OPCML: variants seen among roughly 807,000 people sequenced by gnomAD.
The protein encoded by OPCML is opioid-binding protein/cell adhesion molecule.
In OPCML, 13 loss-of-function variants were observed where a neutral mutation model predicts 37.8. That is an observed-to-expected ratio of 0.34 (90% CI 0.22 to 0.55). The LOEUF (loss-of-function observed/expected upper bound fraction) is 0.55. Ranked by LOEUF, OPCML falls within the 20% of genes least tolerant of loss-of-function variation. OPCML has a pLI of 0.91. For synonymous variants in OPCML, 176 were observed against 168.8 expected (o/e 1.04, Z -0.33); for missense variants, 341 against 435.6 (o/e 0.78, Z 1.93).
At chr11:132,892,540 G>T (rs1231672563) in intron 2 of OPCML, among the ~76,000 whole-genome samples, 3 of 152,164 alleles carry the variant, frequency 2.0e-5, no homozygotes, top group South Asian at 4.1e-4. Flanking sequence ...AGGCCGAGGC[G>T]GGTGGATCAT....
intron 2 of OPCML, among the ~76,000 whole-genome samples, chr11:132,810,518 C>T (rs916682209): frequency 1.3e-5 from 2 of 152,030 alleles, no homozygotes; most frequent in African/African-American, 2.4e-5. Flanking sequence ...TGGTGAAACC[C>T]CTTCTCTACT....
At chr11:132,935,481 T>C (rs911405142) in intron 2 of OPCML, among the ~76,000 whole-genome samples, 6 of 152,230 alleles carry the variant, frequency 3.9e-5, no homozygotes, top group Non-Finnish European at 7.3e-5. Flanking sequence ...TTCTTTATGA[T>C]GATTATGCAG....
chr11:132,669,698 T>C (rs1204374770), intron 2 of OPCML, among the ~76,000 whole-genome samples: 9 of 152,208 alleles, frequency 5.9e-5, no homozygotes. Context: ...AAGCCATTTC[T>C]GAAGCAATGA....
intron 1 of OPCML, among the ~76,000 whole-genome samples, chr11:133,404,598 C>T (rs1006551074): frequency 2.6e-4 from 40 of 152,190 alleles, no homozygotes; most frequent in African/African-American, 9.4e-4. Context: ...ACCACTACGC[C>T]ACACTGCCTC....
intron 1 of OPCML, among the ~76,000 whole-genome samples, chr11:133,325,316 G>C (rs972347413): frequency 7.2e-5 from 11 of 152,124 alleles, no homozygotes; most frequent in Admixed American, 7.2e-4. Context: ...TTAGATTGCC[G>C]GATGGCATTA....
chr11:132,861,478 C>T (rs1942297738), intron 2 of OPCML, among the ~76,000 whole-genome samples: 1 of 152,178 alleles, frequency 6.6e-6, no homozygotes, highest in Admixed American at 6.5e-5. Context: ...TACTTGCATC[C>T]AAATAGATGT....
chr11:133,280,782 G>A (rs142002087), intron 1 of OPCML, among the ~76,000 whole-genome samples: 248 of 152,180 alleles, frequency 1.6e-3, no homozygotes, highest in Non-Finnish European at 2.6e-3. Context: ...CCATTATATC[G>A]GCAAGGGATA....
intron 2 of OPCML, among the ~76,000 whole-genome samples, chr11:132,735,303 G>A (rs1006423099): frequency 6.6e-6 from 1 of 152,072 alleles, no homozygotes; most frequent in African/African-American, 2.4e-5. Flanking sequence ...TTAGGTTGGC[G>A]CCTCAGAGAA....
At chr11:133,244,277 ACGACAAGGCATGGACATACCT>A (rs1940837164) in intron 1 of OPCML, among the ~76,000 whole-genome samples, 1 of 152,032 alleles carries the variant, frequency 6.6e-6, no homozygotes, top group Non-Finnish European at 1.5e-5. Context: ...ATAGCCAAAA[ACGACAAGGCATGGACATACCT>A]CGAAGGGCTG....
At chr11:132,479,762 C>T (rs1326851262) in intron 4 of OPCML, among the ~76,000 whole-genome samples, 2 of 152,188 alleles carry the variant, frequency 1.3e-5, no homozygotes, top group Non-Finnish European at 2.9e-5. Flanking sequence ...CCAGCAGGGG[C>T]AGACTGACAC....
intron 1 of OPCML, among the ~76,000 whole-genome samples, chr11:133,448,028 G>A (rs1352083679): frequency 1.3e-5 from 2 of 152,120 alleles, no homozygotes; most frequent in African/African-American, 4.8e-5. Flanking sequence ...AAGCCTGAAA[G>A]TTCTAAATTT....
chr11:133,244,701 A>ACTCTCTCT (rs34434286), intron 1 of OPCML, among the ~76,000 whole-genome samples: 3,165 of 151,080 alleles, frequency 0.021, 107 homozygotes, highest in African/African-American at 0.068. Context: ...TTGCTCACTC[A>ACTCTCTCT]CTCTCTCTCT....
intron 1 of OPCML, among the ~76,000 whole-genome samples, chr11:133,147,311 G>A: frequency 6.6e-6 from 1 of 152,108 alleles, no homozygotes; most frequent in Non-Finnish European, 1.5e-5. Flanking sequence ...GGAGGCAGTA[G>A]GTCATGGGAG....
intron 2 of OPCML, among the ~76,000 whole-genome samples, chr11:132,834,345 G>A (rs1013435676): frequency 2.0e-5 from 3 of 152,276 alleles, no homozygotes; most frequent in South Asian, 2.1e-4. Context: ...CCCAGTCCGC[G>A]AATGCTAAGT....
At chr11:132,548,460 C>T (rs1487782714) in intron 3 of OPCML, among the ~76,000 whole-genome samples, 2 of 152,142 alleles carry the variant, frequency 1.3e-5, no homozygotes, top group Non-Finnish European at 1.5e-5. Context: ...TACTCTTATC[C>T]ACCACAGCTC....
intron 1 of OPCML, among the ~76,000 whole-genome samples, chr11:133,073,462 A>G (rs1183835788): frequency 1.3e-5 from 2 of 152,238 alleles, no homozygotes; most frequent in East Asian, 3.9e-4. Flanking sequence ...ACGGAAACCC[A>G]GGACAGGGAG....
intron 1 of OPCML, among the ~76,000 whole-genome samples, chr11:133,441,373 T>C (rs1374659761): frequency 6.6e-6 from 1 of 152,112 alleles, no homozygotes; most frequent in Non-Finnish European, 1.5e-5. Context: ...TGGAACCGAA[T>C]TTGAGAATTA....
At chr11:133,491,829 A>T (rs918520419) in intron 1 of OPCML, among the ~76,000 whole-genome samples, 8 of 152,186 alleles carry the variant, frequency 5.3e-5, no homozygotes, top group Admixed American at 5.2e-4. Context: ...CAGGGGGAAC[A>T]TGAGGTCAGG....
At chr11:132,429,931 G>A (rs1207287962) in intron 7 of OPCML, among the ~76,000 whole-genome samples, 2 of 152,250 alleles carry the variant, frequency 1.3e-5, no homozygotes, top group African/African-American at 2.4e-5. Flanking sequence ...TGCCGGAGGA[G>A]CTAGAAGCAG....
Sources: gnomAD v4.1 joint callset for allele counts (sites outside exome capture counted in the v4.1 genomes callset) on GRCh38, gnomAD v4.1.1 for gene constraint, MANE v1.5 for transcripts, NCBI Gene and HGNC (gene_info 2026-07-23, HGNC 2026-07-21) for gene names.